The following NRXN3 variants were observed in gnomAD, a reference collection of about 807,000 sequenced individuals.
NRXN3 encodes neurexin 3.
A neutral mutation model predicts 137.6 loss-of-function variants in NRXN3; 32 were observed. That is an observed-to-expected ratio of 0.23 (90% CI 0.18 to 0.31). The LOEUF is 0.31. Ranked by LOEUF, NRXN3 falls within the 10% of genes least tolerant of loss-of-function variation. NRXN3 has a pLI of 1.00. For missense variants in NRXN3, 1,574 were observed against 2,062.5 expected (o/e 0.76, Z 4.59); for synonymous variants, 798 against 784.5 (o/e 1.02, Z -0.29).
At chr14:79,719,447 A>G (rs2098836491) in intron 19 of NRXN3, among the ~76,000 whole-genome samples, 1 of 134,722 alleles carries the variant, frequency 7.4e-6, no homozygotes, top group East Asian at 2.4e-4. Flanking sequence ...AACAAAATCA[A>G]AACAAAAAAG....
At chr14:78,185,025 G>C in intron 1 of NRXN3, among the ~76,000 whole-genome samples, 1 of 152,354 alleles carries the variant, frequency 6.6e-6, no homozygotes, top group Non-Finnish European at 1.5e-5. Flanking sequence ...CTTCTGCAAA[G>C]CCACTGCTAT....
chr14:79,389,810 C>G (rs1488585142), intron 15 of NRXN3, among the ~76,000 whole-genome samples: 2 of 152,052 alleles, frequency 1.3e-5, no homozygotes, highest in Non-Finnish European at 2.9e-5. Flanking sequence ...TCTGATTAAT[C>G]AAAAACTCTG....
At chr14:79,504,269 G>T (rs919389597) in intron 16 of NRXN3, among the ~76,000 whole-genome samples, 5 of 152,026 alleles carry the variant, frequency 3.3e-5, no homozygotes, top group African/African-American at 4.8e-5. Context: ...ATTTTTTTGA[G>T]ACAGATTGTT....
chr14:79,279,175 G>A (rs1021322110), intron 15 of NRXN3, among the ~76,000 whole-genome samples: 3 of 152,124 alleles, frequency 2.0e-5, no homozygotes, highest in Non-Finnish European at 4.4e-5. Context: ...AGAGGAGGGC[G>A]GGCGGCGTGT....
chr14:79,048,586 T>TA (rs1366037188), intron 15 of NRXN3, among the ~76,000 whole-genome samples: 1 of 151,614 alleles, frequency 6.6e-6, no homozygotes, highest in African/African-American at 2.4e-5. Flanking sequence ...ACTTTATTGC[T>TA]AAAAAATGCG....
intron 10 of NRXN3, among the ~76,000 whole-genome samples, chr14:78,929,498 G>T (rs551014558): frequency 3.3e-5 from 5 of 152,060 alleles, no homozygotes; most frequent in Non-Finnish European, 7.4e-5. Context: ...AAGGATAATG[G>T]CCTCTAGCTC....
At chr14:79,575,944 T>A (rs577132594) in intron 16 of NRXN3, among the ~76,000 whole-genome samples, 1 of 152,228 alleles carries the variant, frequency 6.6e-6, no homozygotes, top group South Asian at 2.1e-4. Flanking sequence ...GCTATTTTTT[T>A]AAGTTACTTT....
intron 15 of NRXN3, chr14:79,280,520 T>C (rs2081104768): frequency 6.2e-7 from 1 of 1,612,472 alleles, no homozygotes. Context: ...TTCCCCTGTT[T>C]CCCTTCGAGG....
chr14:79,113,082 T>TTGTA lies in NRXN3; in HGVS notation c.3262+124942_3262+124945dup, dbSNP rs139165434. Among the ~76,000 whole-genome samples, 1,328 of 152,244 alleles carry TTGTA rather than the reference T, an allele frequency of 8.7e-3. 16 individuals carry two copies. Among genetic ancestry groups the TTGTA allele is most frequent in the African/African-American group, 0.03 (1,234 of 41,550 alleles). ...TTGCTGTTAGGGACTGTTCTGCACA[T>TTGTA]TGTAGGATGTTTAGCACCATTCCTA... On this transcript the variant is annotated intron_variant, in intron 15 of 20. Coordinates refer to ENST00000335750, the MANE Select transcript of NRXN3 (RefSeq NM_001330195.2).
At chr14:79,258,038 T>A (rs905488902) in intron 15 of NRXN3, among the ~76,000 whole-genome samples, 10 of 152,148 alleles carry the variant, frequency 6.6e-5, no homozygotes, top group Non-Finnish European at 1.5e-4. Flanking sequence ...AATGAATTGA[T>A]CTGTTTAAGT....
intron 15 of NRXN3, among the ~76,000 whole-genome samples, chr14:79,066,033 A>G (rs1325556639): frequency 6.6e-6 from 1 of 152,058 alleles, no homozygotes; most frequent in East Asian, 1.9e-4. Flanking sequence ...TTTGGTTGCA[A>G]TTGCTTTTGG....
At chr14:78,271,934 G>A (rs2072823829) in intron 2 of NRXN3, among the ~76,000 whole-genome samples, 1 of 152,108 alleles carries the variant, frequency 6.6e-6, no homozygotes, top group Non-Finnish European at 1.5e-5. Context: ...TAGAACGAAG[G>A]AAACAACCTC....
intron 15 of NRXN3, among the ~76,000 whole-genome samples, chr14:79,091,706 C>T (rs2049227750): frequency 6.6e-6 from 1 of 152,068 alleles, no homozygotes; most frequent in Non-Finnish European, 1.5e-5. Flanking sequence ...TCATAAAGAC[C>T]TAGTTAGTAC....
intron 15 of NRXN3, among the ~76,000 whole-genome samples, chr14:79,223,557 TG>T (rs2070216008): frequency 6.6e-6 from 1 of 150,674 alleles, no homozygotes. Flanking sequence ...GGGAATGTCA[TG>T]TTTTTAAATC....
chr14:79,714,686 T>TA lies in NRXN3; in HGVS notation c.4014+16754dup, dbSNP rs555265516. 2.4e-3 allele frequency among the ~76,000 whole-genome samples: 361 copies of TA among 152,278 alleles called. 1 individual carries two copies. The highest frequency in any genetic ancestry group is 8.2e-3 in the African/African-American group (341 of 41,552). ...AAAACAATGCCAGTCATGTCATTGA[T>TA]AAAAAGGAAATTAAAGTGTGATTGT... On this transcript the variant is annotated intron_variant, in intron 19 of 20. Coordinates refer to ENST00000335750, the MANE Select transcript of NRXN3 (RefSeq NM_001330195.2).
intron 10 of NRXN3, among the ~76,000 whole-genome samples, chr14:78,845,325 G>A (rs971938343): frequency 1.3e-5 from 2 of 151,998 alleles, no homozygotes; most frequent in Admixed American, 6.6e-5. Flanking sequence ...TGAGTTAGGA[G>A]ACAAGTAAAG....
chr14:78,514,412 A>T (rs897967046), intron 4 of NRXN3, among the ~76,000 whole-genome samples: 3 of 152,112 alleles, frequency 2.0e-5, no homozygotes, highest in African/African-American at 7.2e-5. Context: ...ATAAATATGC[A>T]AGGAGTCTTG....
chr14:78,839,322 A>T (rs1399083510), intron 10 of NRXN3, among the ~76,000 whole-genome samples: 1 of 152,196 alleles, frequency 6.6e-6, no homozygotes, highest in Non-Finnish European at 1.5e-5. Flanking sequence ...GTGGCTGAGG[A>T]AAAGTGAGGG....
Position 79,133,426 on chromosome 14 carries a change from G to A in NRXN3, c.3262+145285G>A, listed in dbSNP as rs59086376. ...GATTCAAGGCTCTCTCTTGGTGGCA[G>A]GTGACATTAGTCAGACTTTATTCTT... On this transcript the variant is annotated intron_variant, in intron 15 of 20. Coordinates refer to ENST00000335750, the MANE Select transcript of NRXN3 (RefSeq NM_001330195.2). Among the ~76,000 whole-genome samples the A allele has an allele frequency of 7.9e-3, 1,198 of 152,190 alleles. 12 individuals are homozygous for A. The highest frequency in any genetic ancestry group is 0.027 in the African/African-American group (1,124 of 41,534).
Sources: allele counts gnomAD v4.1 joint callset (sites outside exome capture counted in the v4.1 genomes callset), GRCh38; gene constraint gnomAD v4.1.1; transcripts MANE v1.5; gene names NCBI Gene and HGNC (gene_info 2026-07-23, HGNC 2026-07-21).